Variants in FAR1 observed in about 807,000 individuals in gnomAD.
The protein encoded by FAR1 is fatty acyl-CoA reductase 1.
FAR1 carries 22 observed loss-of-function variants against 61.1 expected under a neutral mutation model. That is an observed-to-expected ratio of 0.36 (90% CI 0.26 to 0.51). The LOEUF is 0.51. FAR1 is among the 20% of genes least tolerant of loss of function. The probability of loss-of-function intolerance (pLI) is 0.95; values close to 1 mark genes in which losing one functional copy is unlikely to be tolerated. For synonymous variants in FAR1, 206 were observed against 209.7 expected, an observed-to-expected ratio of 0.98 and a Z score of 0.15; for missense variants, 359 against 626.9, an observed-to-expected ratio of 0.57 and a Z score of 4.56.
At chr11:13,711,742 C>G in intron 5 of FAR1, 22 bp from the exon 6 acceptor site, 1 of 1,561,164 alleles carries the variant, frequency 6.4e-7, no homozygotes, top group East Asian at 2.2e-5. Flanking sequence ...GCTTCTCTCC[C>G]TTTTAAAATT....
intron 9 of FAR1, among the ~76,000 whole-genome samples, chr11:13,717,711 C>T (rs190426908): frequency 1.3e-5 from 2 of 152,232 alleles, no homozygotes; most frequent in Admixed American, 6.5e-5. Flanking sequence ...GCAGGACATG[C>T]GGTTTTTGTT....
Position 13,728,954 on chromosome 11 carries a change from A to C in FAR1, c.*180A>C, listed in dbSNP as rs1391245183. ...TGTTTATGCTCATAAAACTTAGTGAACACACTGTGTTATGCCAGCTCAAAT... is the reference window on the plus strand; with the variant it reads ...TGTTTATGCTCATAAAACTTAGTGACCACACTGTGTTATGCCAGCTCAAAT... On this transcript the variant is annotated 3_prime_UTR_variant, in exon 12 of 12. Transcript: ENST00000354817. 1.8e-6 allele frequency: 1 copy of C among 549,244 alleles called. No individual in the cohort carries two copies. The highest frequency in any genetic ancestry group is 3.1e-6 in the Non-Finnish European group (1 of 319,398). 34.0% of individuals were successfully genotyped at this position (549,244 alleles called of 1,614,324 possible).
chr11:13,701,192 T>G (rs1398202961), intron 3 of FAR1, among the ~76,000 whole-genome samples: 1 of 152,088 alleles, frequency 6.6e-6, no homozygotes, highest in Non-Finnish European at 1.5e-5. Context: ...ATTAAAATGG[T>G]GTAGACTTGG....
chr11:13,699,662 T>C (rs1297207544), intron 2 of FAR1, among the ~76,000 whole-genome samples: 1 of 152,180 alleles, frequency 6.6e-6, no homozygotes, highest in African/African-American at 2.4e-5. Context: ...ACTGTAATCA[T>C]TTTGTGATCT....
At position 13,730,192 on chromosome 11, in the gene FAR1, C is replaced by G. The variant is rs529729781; in HGVS notation, c.*1418C>G. The G allele has an allele frequency of 6.6e-6, 1 of 152,306 alleles. No homozygotes were observed. The highest frequency in any genetic ancestry group is 2.1e-4 in the South Asian group (1 of 4,810). The allele number at this position is 152,306 out of a possible 1,614,324, so 9.4% of individuals were successfully genotyped here. On this transcript the variant is annotated 3_prime_UTR_variant, in exon 12 of 12. Coordinates refer to ENST00000354817, the MANE Select transcript of FAR1 (RefSeq NM_032228.6). ...TGGAGTATGTTTAAAGAGAACAGTT[C>G]GCAATACAAAAAGTTACATGGAGCT...
At chr11:13,691,819 G>A (rs1848253228) in intron 1 of FAR1, among the ~76,000 whole-genome samples, 1 of 152,162 alleles carries the variant, frequency 6.6e-6, no homozygotes, top group South Asian at 2.1e-4. Context: ...GAGCAGTGCT[G>A]CTATAGATTG....
Position 13,721,722 on chromosome 11 carries a change from C to T in FAR1, c.1128-8C>T. 1 of 1,605,090 alleles carries T rather than the reference C, an allele frequency of 6.2e-7. No individual in the cohort carries two copies. Among genetic ancestry groups the T allele is most frequent in the Non-Finnish European group, 8.5e-7 (1 of 1,176,922 alleles). On this transcript the variant is annotated splice_polypyrimidine_tract_variant and splice_region_variant and intron_variant, in intron 9 of 11. Transcript: ENST00000354817. This position sits in a 1 kb window ranked among gnomAD's most constrained non-coding sequence, Gnocchi z 4.2. ...AATATGAATCTGTCCATTTTTCTTACAATACAGGATGATGAAAACAATAAC... is the reference window on the plus strand; with the variant it reads ...AATATGAATCTGTCCATTTTTCTTATAATACAGGATGATGAAAACAATAAC...
chr11:13,701,635 A>G (rs1848376722), intron 3 of FAR1, among the ~76,000 whole-genome samples: 1 of 152,164 alleles, frequency 6.6e-6, no homozygotes, highest in Non-Finnish European at 1.5e-5. Flanking sequence ...TATAAACGTC[A>G]GTCAACATTA....
chr11:13,696,873 A>C (rs1397499678), intron 2 of FAR1, among the ~76,000 whole-genome samples: 1 of 152,188 alleles, frequency 6.6e-6, no homozygotes, highest in Non-Finnish European at 1.5e-5. Context: ...TATAAAGAAC[A>C]TAAGGCCAAA....
At position 13,714,714 on chromosome 11, in the gene FAR1, C is replaced by T. The variant is rs368444007; in HGVS notation, c.1127+34C>T. 4 of 1,564,844 alleles carry T rather than the reference C, an allele frequency of 2.6e-6. No individual in the cohort carries two copies. The African/African-American group carries it at 5.5e-5, about 22-fold the overall frequency. On this transcript the variant is annotated intron_variant, in intron 9 of 11. Coordinates refer to ENST00000354817, the MANE Select transcript of FAR1 (RefSeq NM_032228.6). Reference sequence around the variant, plus strand: ...GACTAGCTCTGTCTTATCTGTTCCTCTGTTAAACAACCCATGCTTACACTA... The same window carrying T: ...GACTAGCTCTGTCTTATCTGTTCCTTTGTTAAACAACCCATGCTTACACTA...
intron 8 of FAR1, among the ~76,000 whole-genome samples, chr11:13,713,685 T>C (rs1463726852): frequency 6.6e-6 from 1 of 152,100 alleles, no homozygotes; most frequent in Non-Finnish European, 1.5e-5. Flanking sequence ...TAACCTCTAA[T>C]TGATTAATTA....
chr11:13,672,002 A>C (rs1281740017), intron 1 of FAR1, among the ~76,000 whole-genome samples: 1 of 152,230 alleles, frequency 6.6e-6, no homozygotes, highest in African/African-American at 2.4e-5. Context: ...AGAGTTTTAA[A>C]GAGGTGGTGG....
At chr11:13,669,004 G>A in intron 1 of FAR1, among the ~76,000 whole-genome samples, 198 bp downstream of exon 1, 1 of 152,024 alleles carries the variant, frequency 6.6e-6, no homozygotes, top group Non-Finnish European at 1.5e-5. Context: ...GCCCCTCTTT[G>A]CCCCGCCGCC....
At position 13,696,113 on chromosome 11, in the gene FAR1, T is replaced by A. The variant is rs567454283; in HGVS notation, c.189+1159T>A. Among the ~76,000 whole-genome samples the A allele has an allele frequency of 6.6e-5, 10 of 152,282 alleles. No homozygotes were observed. The East Asian group carries it at 1.9e-3, about 29-fold the overall frequency. The stretch of plus-strand genomic sequence containing the variant: ...TCTAAGTAAAATGTCTACATGTATG[T>A]TTTATTGCTGTCTCTGCCCTTTGTT... On this transcript the variant is annotated intron_variant, in intron 2 of 11. Transcript: ENST00000354817.
intron 10 of FAR1, among the ~76,000 whole-genome samples, chr11:13,724,549 CAAAAAA>C (rs35925620): frequency 2.9e-5 from 3 of 103,394 alleles, no homozygotes; most frequent in Non-Finnish European, 3.9e-5. Context: ...GACTCCGCCT[CAAAAAA>C]AAAAAAAAAA....
chr11:13,692,546 T>G (rs538195503), intron 1 of FAR1, among the ~76,000 whole-genome samples: 1 of 140,506 alleles, frequency 7.1e-6, no homozygotes, highest in East Asian at 2.0e-4. Context: ...CCAACACTTA[T>G]TTTTTTCTGT....
chr11:13,717,345 C>T (rs561864061), intron 9 of FAR1, among the ~76,000 whole-genome samples: 1 of 152,210 alleles, frequency 6.6e-6, no homozygotes, highest in South Asian at 2.1e-4. Context: ...TGCCCATACG[C>T]CCATCATAAA....
intron 2 of FAR1, among the ~76,000 whole-genome samples, chr11:13,698,948 C>T (rs1848339436): frequency 6.6e-6 from 1 of 152,186 alleles, no homozygotes; most frequent in Non-Finnish European, 1.5e-5. Context: ...ACAACTCTAG[C>T]TGCTTTTCCT....
At chr11:13,713,205 A>G (rs1056122966) in intron 8 of FAR1, 172 bp downstream of exon 8, 1 of 618,190 alleles carries the variant, frequency 1.6e-6, no homozygotes, top group Admixed American at 2.7e-5. Flanking sequence ...GTCCTTAATA[A>G]TGTTTCACAA....
Sources: gnomAD v4.1 joint callset for allele counts (sites outside exome capture counted in the v4.1 genomes callset) on GRCh38, gnomAD v4.1.1 for gene constraint, Gnocchi (gnomAD v3.1) non-coding constraint, MANE v1.5 for transcripts, NCBI Gene and HGNC (gene_info 2026-07-23, HGNC 2026-07-21) for gene names.